The following AKAP6 variants were observed in gnomAD, a reference collection of about 807,000 sequenced individuals.
The protein encoded by AKAP6 is A-kinase anchoring protein 6.
Under a neutral mutation model 188.5 loss-of-function variants are expected in AKAP6, and 58 were observed. The ratio of observed to expected loss-of-function variants is 0.31; its 90% CI spans 0.25 to 0.38. The LOEUF (loss-of-function observed/expected upper bound fraction) is 0.38. AKAP6 is among the 10% of genes least tolerant of loss of function. The pLI is 1.00. For synonymous variants in AKAP6, 989 were observed against 998.6 expected (o/e 0.99, Z 0.18); for missense variants, 2,710 against 2,740.0 (o/e 0.99, Z 0.24).
intron 11 of AKAP6, among the ~76,000 whole-genome samples, chr14:32,752,888 T>C (rs929075148): frequency 4.0e-5 from 6 of 151,862 alleles, no homozygotes; most frequent in African/African-American, 1.5e-4. Flanking sequence ...GAATAGCATT[T>C]CATTATGTGT....
At chr14:32,626,860 A>G (rs1248026947) in intron 7 of AKAP6, among the ~76,000 whole-genome samples, 1 of 152,132 alleles carries the variant, frequency 6.6e-6, no homozygotes, top group Non-Finnish European at 1.5e-5. Context: ...CAGGAACTAT[A>G]CCTTTCATCT....
chr14:32,648,855 TCTACTGAAA>T (rs976815101), intron 7 of AKAP6, among the ~76,000 whole-genome samples: 11 of 152,098 alleles, frequency 7.2e-5, no homozygotes, highest in African/African-American at 2.7e-4. Flanking sequence ...AGGCGGTACC[TCTACTGAAA>T]AAGCAAATAA....
intron 11 of AKAP6, among the ~76,000 whole-genome samples, chr14:32,771,375 T>C (rs1337828022): frequency 2.0e-5 from 3 of 150,266 alleles, no homozygotes; most frequent in Non-Finnish European, 4.4e-5. Flanking sequence ...ATTGTGAATA[T>C]CCAAAAATCA....
intron 1 of AKAP6, among the ~76,000 whole-genome samples, chr14:32,407,596 A>C (rs528670593): frequency 1.3e-5 from 2 of 152,266 alleles, no homozygotes; most frequent in South Asian, 4.1e-4. Context: ...AGGTGGTTTG[A>C]ATTTTTCAGT....
chr14:32,721,074 T>C (rs562406612), intron 9 of AKAP6, among the ~76,000 whole-genome samples: 1 of 152,220 alleles, frequency 6.6e-6, no homozygotes, highest in Non-Finnish European at 1.5e-5. Flanking sequence ...TATTACATAA[T>C]TGCATAACTA....
chr14:32,780,415 A>G (rs1459285121), intron 12 of AKAP6, among the ~76,000 whole-genome samples: 4 of 152,144 alleles, frequency 2.6e-5, no homozygotes, highest in Non-Finnish European at 4.4e-5. Flanking sequence ...AGTTGGAGTT[A>G]TGGTCCTATT....
chr14:32,786,818 T>C (rs2033437021), intron 12 of AKAP6, among the ~76,000 whole-genome samples: 1 of 152,206 alleles, frequency 6.6e-6, no homozygotes, highest in Non-Finnish European at 1.5e-5. Flanking sequence ...TCCTTTGAAA[T>C]ATTTTTATTT....
rs764558269 is a variant in AKAP6 at position 32,821,962 on chromosome 14, C to T, written c.4149C>T (p.Leu1383=). The T allele has an allele frequency of 8.1e-6, 13 of 1,613,942 alleles. No homozygotes were observed. The highest frequency in any genetic ancestry group is 2.7e-5 in the African/African-American group (2 of 75,030). The part of the protein sequence containing the change: ...ETTTNSEMCL[L]NAVDGSPSNL... ...CTACCAACTCTGAAATGTGCTTGCTCAATGCAGTGGATGGGTCCCCAAGTA... is the reference window on the plus strand; with the variant it reads ...CTACCAACTCTGAAATGTGCTTGCTTAATGCAGTGGATGGGTCCCCAAGTA... Residue 1383 remains leucine (L), a synonymous_variant, in exon 13 of 14, where the codon CTC becomes CTT. Transcript: ENST00000280979.
At chr14:32,485,567 T>C (rs1879636991) in intron 2 of AKAP6, among the ~76,000 whole-genome samples, 1 of 152,244 alleles carries the variant, frequency 6.6e-6, no homozygotes, top group Non-Finnish European at 1.5e-5. Flanking sequence ...TGACCAGTGA[T>C]GATGAGCTTT....
chr14:32,703,576 G>A (rs1890698425), intron 9 of AKAP6, among the ~76,000 whole-genome samples: 1 of 152,156 alleles, frequency 6.6e-6, no homozygotes, highest in African/African-American at 2.4e-5. Context: ...TGTTTCTCTT[G>A]CCTGTAATTC....
intron 7 of AKAP6, among the ~76,000 whole-genome samples, chr14:32,621,540 A>G (rs539917393): frequency 1.3e-5 from 2 of 152,244 alleles, no homozygotes; most frequent in Admixed American, 6.5e-5. Context: ...GATAAGTTAC[A>G]GAAGATAGTA....
At chr14:32,619,524 G>T (rs956822466) in intron 7 of AKAP6, among the ~76,000 whole-genome samples, 6 of 151,996 alleles carry the variant, frequency 3.9e-5, no homozygotes, top group Non-Finnish European at 7.4e-5. Flanking sequence ...CTGTTCCATT[G>T]GTCTATGTAT....
At chr14:32,755,135 G>C (rs565346837) in intron 11 of AKAP6, among the ~76,000 whole-genome samples, 1 of 152,222 alleles carries the variant, frequency 6.6e-6, no homozygotes, top group Non-Finnish European at 1.5e-5. Context: ...TCATATGCAT[G>C]CATTGGTTCA....
At chr14:32,469,965 G>T (rs1040298166) in intron 2 of AKAP6, among the ~76,000 whole-genome samples, 9 of 151,946 alleles carry the variant, frequency 5.9e-5, no homozygotes, top group Non-Finnish European at 1.2e-4. Context: ...TTACTGATTT[G>T]CTTTAAGTTC....
chr14:32,604,699 T>C (rs191465971), intron 7 of AKAP6, among the ~76,000 whole-genome samples: 138 of 152,322 alleles, frequency 9.1e-4, no homozygotes, highest in Admixed American at 2.9e-3. Context: ...GAGGTAATGA[T>C]AATATCTGCC....
intron 2 of AKAP6, among the ~76,000 whole-genome samples, chr14:32,453,787 C>T (rs8010075): frequency 0.39 from 55,174 of 143,000 alleles, 15,718 homozygotes; most frequent in African/African-American, 0.8. Flanking sequence ...TTAGTAGAGA[C>T]GGGGTTTCAC....
intron 4 of AKAP6, among the ~76,000 whole-genome samples, chr14:32,554,509 C>T (rs1883610665): frequency 6.6e-6 from 1 of 152,202 alleles, no homozygotes; most frequent in Non-Finnish European, 1.5e-5. Context: ...AGTGTGAGAG[C>T]TGGTATTCCA....
intron 7 of AKAP6, among the ~76,000 whole-genome samples, chr14:32,659,141 A>G (rs1175011089): frequency 6.6e-6 from 1 of 152,148 alleles, no homozygotes; most frequent in Non-Finnish European, 1.5e-5. Flanking sequence ...CTTTTAGCAC[A>G]CGATGATTCC....
chr14:32,630,855 C>T (rs1887237281), intron 7 of AKAP6, among the ~76,000 whole-genome samples: 1 of 152,118 alleles, frequency 6.6e-6, no homozygotes, highest in South Asian at 2.1e-4. Context: ...AATAAAATCA[C>T]AACTATCTTA....
Sources: allele counts gnomAD v4.1 joint callset (sites outside exome capture counted in the v4.1 genomes callset), GRCh38; gene constraint gnomAD v4.1.1; transcripts MANE v1.5; gene names NCBI Gene and HGNC (gene_info 2026-07-23, HGNC 2026-07-21).